The following KCNIP4 variants were observed in gnomAD, a reference collection of about 807,000 sequenced individuals.
KCNIP4 encodes the protein potassium voltage-gated channel interacting protein 4.
In KCNIP4, 12 loss-of-function variants were observed where a neutral mutation model predicts 34.0. The observed-to-expected ratio is 0.35, with a 90% confidence interval of 0.23 to 0.57. The LOEUF (loss-of-function observed/expected upper bound fraction) is 0.57, where lower values mean the gene tolerates loss of function less well. Ranked by LOEUF, KCNIP4 falls within the 20% of genes least tolerant of loss-of-function variation. The pLI, the probability that KCNIP4 is intolerant of heterozygous loss-of-function variation, is 0.83. For missense variants in KCNIP4, 238 were observed against 311.7 expected, an observed-to-expected ratio of 0.76 and a Z score of 1.78; for synonymous variants, 124 against 102.2, an observed-to-expected ratio of 1.21 and a Z score of -1.29.
At chr4:21,007,542 C>G (rs545865810) in intron 1 of KCNIP4, among the ~76,000 whole-genome samples, 26 of 152,290 alleles carry the variant, frequency 1.7e-4, no homozygotes, top group African/African-American at 5.8e-4. Context: ...CTTCTCTACT[C>G]TGCCCCCGAC....
At chr4:21,118,987 T>C (rs1003009284) in intron 1 of KCNIP4, among the ~76,000 whole-genome samples, 1 of 152,168 alleles carries the variant, frequency 6.6e-6, no homozygotes, top group South Asian at 2.1e-4. Flanking sequence ...AATCACGCCA[T>C]CCATTGAGTT....
At chr4:21,218,287 T>C (rs948936870) in intron 1 of KCNIP4, among the ~76,000 whole-genome samples, 1 of 152,156 alleles carries the variant, frequency 6.6e-6, no homozygotes. Flanking sequence ...AGTGCTGGGA[T>C]TACAGACATG....
intron 1 of KCNIP4, among the ~76,000 whole-genome samples, chr4:21,683,502 C>CT (rs1203122850): frequency 0.031 from 1 of 32 alleles, no homozygotes; most frequent in Non-Finnish European, 0.071. Flanking sequence ...GAGTCTCACT[C>CT]TGTCACCCAG....
At chr4:21,747,540 T>A (rs1716858168) in intron 1 of KCNIP4, among the ~76,000 whole-genome samples, 1 of 152,120 alleles carries the variant, frequency 6.6e-6, no homozygotes, top group Admixed American at 6.6e-5. Flanking sequence ...AAATATTGTA[T>A]TTTACTTTTT....
intron 1 of KCNIP4, among the ~76,000 whole-genome samples, chr4:21,907,462 C>T (rs1000213273): frequency 2.6e-5 from 4 of 152,124 alleles, no homozygotes; most frequent in African/African-American, 9.7e-5. Context: ...ACAAATTATC[C>T]AGCCTCAGGT....
intron 1 of KCNIP4, among the ~76,000 whole-genome samples, chr4:21,505,961 G>T (rs1350855797): frequency 6.6e-6 from 1 of 152,058 alleles, no homozygotes; most frequent in Non-Finnish European, 1.5e-5. Flanking sequence ...AAATTAGCAG[G>T]GTGTGGTGGC....
chr4:21,588,253 T>C (rs1741806984), intron 1 of KCNIP4, among the ~76,000 whole-genome samples: 1 of 152,038 alleles, frequency 6.6e-6, no homozygotes, highest in Non-Finnish European at 1.5e-5. Flanking sequence ...ATCATAATGA[T>C]CTACTTTTCA....
intron 1 of KCNIP4, among the ~76,000 whole-genome samples, chr4:21,948,297 C>T (rs1730615406): frequency 6.6e-6 from 1 of 152,180 alleles, no homozygotes; most frequent in African/African-American, 2.4e-5. Flanking sequence ...GGCAAAAGTA[C>T]GCACAGGATC....
intron 1 of KCNIP4, among the ~76,000 whole-genome samples, chr4:21,320,900 G>A: frequency 6.8e-6 from 1 of 146,710 alleles, no homozygotes. Context: ...AAACCCGAGA[G>A]GTTGCAACAA....
intron 1 of KCNIP4, among the ~76,000 whole-genome samples, chr4:20,884,092 G>A (rs1310996411): frequency 6.6e-6 from 1 of 152,148 alleles, no homozygotes; most frequent in Non-Finnish European, 1.5e-5. Flanking sequence ...TCATTCAACT[G>A]CTGGTTGAGG....
chr4:20,870,451 C>A (rs1231011659), intron 2 of KCNIP4, among the ~76,000 whole-genome samples: 1 of 152,096 alleles, frequency 6.6e-6, no homozygotes, highest in Non-Finnish European at 1.5e-5. Context: ...GTTAATCAAA[C>A]CTCTTTTCTT....
At chr4:21,026,433 C>T (rs918466219) in intron 1 of KCNIP4, among the ~76,000 whole-genome samples, 5 of 152,074 alleles carry the variant, frequency 3.3e-5, no homozygotes, top group South Asian at 4.2e-4. Flanking sequence ...TTAGTTTGCT[C>T]GGTTGAACCC....
chr4:20,950,477 T>C (rs1232538168), intron 1 of KCNIP4, among the ~76,000 whole-genome samples: 2 of 152,124 alleles, frequency 1.3e-5, no homozygotes, highest in Non-Finnish European at 1.5e-5. Flanking sequence ...TTGCTGTTCT[T>C]TGATATTGAA....
intron 1 of KCNIP4, among the ~76,000 whole-genome samples, chr4:20,984,638 T>C (rs1736410731): frequency 6.6e-6 from 1 of 152,194 alleles, no homozygotes; most frequent in Non-Finnish European, 1.5e-5. Context: ...CGCCACTCCT[T>C]GTTCTGGTCT....
At chr4:20,820,266 G>A (rs1268044015) in intron 3 of KCNIP4, among the ~76,000 whole-genome samples, 1 of 152,134 alleles carries the variant, frequency 6.6e-6, no homozygotes, top group Non-Finnish European at 1.5e-5. Context: ...ACGAGGGATT[G>A]TAAACTGGAG....
At chr4:20,837,686 A>ATATTTTTTT (rs1350419753) in intron 3 of KCNIP4, among the ~76,000 whole-genome samples, 18 of 117,394 alleles carry the variant, frequency 1.5e-4, no homozygotes, top group African/African-American at 5.7e-4. Context: ...ATATATATAT[A>ATATTTTTTT]TTTTTTTTTC....
chr4:21,602,223 C>G (rs555251343), intron 1 of KCNIP4, among the ~76,000 whole-genome samples: 1 of 152,132 alleles, frequency 6.6e-6, no homozygotes, highest in South Asian at 2.1e-4. Flanking sequence ...CAGCATTGAT[C>G]ACATCTAGGT....
chr4:21,272,315 CTAT>C (rs147931509), intron 1 of KCNIP4, among the ~76,000 whole-genome samples: 4,093 of 152,162 alleles, frequency 0.027, 79 homozygotes, highest in Middle Eastern at 0.044. Flanking sequence ...TTAGAGTTGG[CTAT>C]TATTATTTAT....
intron 1 of KCNIP4, among the ~76,000 whole-genome samples, chr4:20,989,201 CTTT>C (rs1247862464): frequency 6.6e-6 from 1 of 152,156 alleles, no homozygotes; most frequent in African/African-American, 2.4e-5. Flanking sequence ...TCAATCTGTC[CTTT>C]GTCAGTTTAA....
Sources: allele counts gnomAD v4.1 joint callset (sites outside exome capture counted in the v4.1 genomes callset), GRCh38; gene constraint gnomAD v4.1.1; transcripts MANE v1.5; gene names NCBI Gene and HGNC (gene_info 2026-07-23, HGNC 2026-07-21).